Variants in CLSTN2 observed in about 807,000 individuals in gnomAD.
CLSTN2 encodes calsyntenin-2.
A neutral mutation model predicts 101.2 loss-of-function variants in CLSTN2; 48 were observed. The observed-to-expected ratio is 0.47, with a 90% CI of 0.38 to 0.60. The LOEUF (loss-of-function observed/expected upper bound fraction) is 0.60, where lower values mean the gene tolerates loss of function less well. CLSTN2 is among the 20% of genes least tolerant of loss of function. The probability of loss-of-function intolerance (pLI) is 0.00; values close to 1 mark genes in which losing one functional copy is unlikely to be tolerated. For synonymous variants in CLSTN2, 481 were observed against 463.6 expected (o/e 1.04, Z -0.48); for missense variants, 1,160 against 1,238.2 (o/e 0.94, Z 0.95).
chr3:140,396,275 A>G (rs4683492), intron 2 of CLSTN2, among the ~76,000 whole-genome samples: 62,507 of 151,984 alleles, frequency 0.41, 15,051 homozygotes, highest in South Asian at 0.6. Flanking sequence ...TGTCATTCAG[A>G]GAAAAAAATG....
chr3:140,495,375 T>C (rs1934443760), intron 8 of CLSTN2, among the ~76,000 whole-genome samples: 2 of 152,232 alleles, frequency 1.3e-5, no homozygotes, highest in Non-Finnish European at 2.9e-5. Context: ...CCTTGTCAGA[T>C]GGATAGATTG....
intron 7 of CLSTN2, among the ~76,000 whole-genome samples, chr3:140,465,797 C>A (rs754942754): frequency 3.3e-5 from 5 of 152,144 alleles, no homozygotes; most frequent in Non-Finnish European, 7.3e-5. Context: ...AATCCAGGGC[C>A]CATGCTCTTT....
chr3:139,981,843 T>C (rs1935929070), intron 1 of CLSTN2, among the ~76,000 whole-genome samples: 1 of 152,196 alleles, frequency 6.6e-6, no homozygotes, highest in African/African-American at 2.4e-5. Flanking sequence ...TGTAAGCAAA[T>C]GAAAAAGTGG....
intron 1 of CLSTN2, among the ~76,000 whole-genome samples, chr3:140,076,538 A>G (rs1353700355): frequency 6.9e-6 from 1 of 144,036 alleles, no homozygotes. Flanking sequence ...TGGCTGATGG[A>G]TGTCAATGCC....
intron 1 of CLSTN2, among the ~76,000 whole-genome samples, chr3:140,144,020 G>T (rs1179231352): frequency 6.6e-6 from 1 of 152,214 alleles, no homozygotes; most frequent in Non-Finnish European, 1.5e-5. Flanking sequence ...ATTAACAGAA[G>T]CCTTCAAGAT....
intron 1 of CLSTN2, among the ~76,000 whole-genome samples, chr3:140,095,214 C>G (rs1370347082): frequency 4.6e-5 from 7 of 152,140 alleles, no homozygotes; most frequent in Non-Finnish European, 7.4e-5. Context: ...GCGTTAATGG[C>G]AGTGAGAATA....
At chr3:140,124,696 T>C (rs993489761) in intron 1 of CLSTN2, among the ~76,000 whole-genome samples, 3 of 152,146 alleles carry the variant, frequency 2.0e-5, no homozygotes, top group Non-Finnish European at 4.4e-5. Flanking sequence ...GAGATGTCCA[T>C]GAGACAGCCA....
intron 1 of CLSTN2, among the ~76,000 whole-genome samples, chr3:140,037,120 A>G (rs576404291): frequency 1.3e-5 from 2 of 152,306 alleles, no homozygotes; most frequent in Admixed American, 6.5e-5. Flanking sequence ...TACATCAAGG[A>G]CACTTTTAAA....
chr3:140,206,569 CTCTTA>C (rs1403185818), intron 2 of CLSTN2, among the ~76,000 whole-genome samples: 2 of 152,226 alleles, frequency 1.3e-5, no homozygotes, highest in African/African-American at 2.4e-5. Context: ...AAACACTGGG[CTCTTA>C]TCTTCCAGAC....
At chr3:140,088,947 A>G (rs923116481) in intron 1 of CLSTN2, among the ~76,000 whole-genome samples, 1 of 152,346 alleles carries the variant, frequency 6.6e-6, no homozygotes, top group Admixed American at 6.5e-5. Flanking sequence ...AAAACTTTAT[A>G]CTTTGTTCCA....
Position 140,472,405 on chromosome 3 carries a change from C to T in CLSTN2, c.1344+5674C>T, listed in dbSNP as rs902017619. On this transcript the variant is annotated intron_variant, in intron 8 of 16. Coordinates refer to ENST00000458420, the MANE Select transcript of CLSTN2 (RefSeq NM_022131.3). ...GTCAGTTTACTTGCATCTGCTCATTCGGTTTCACAGGGAGTCAAATAGGTT... is the reference window on the plus strand; with the variant it reads ...GTCAGTTTACTTGCATCTGCTCATTTGGTTTCACAGGGAGTCAAATAGGTT... Among the ~76,000 whole-genome samples the T allele has an allele frequency of 3.9e-5, 6 of 152,130 alleles. No individual in the cohort carries two copies. The East Asian group carries it at 9.6e-4, about 24-fold the overall frequency.
At chr3:140,415,486 C>CAAAAAAAAAAAAAAAA (rs751616049) in intron 4 of CLSTN2, among the ~76,000 whole-genome samples, 64 of 56,866 alleles carry the variant, frequency 1.1e-3, no homozygotes, top group South Asian at 1.7e-3. Flanking sequence ...CACAAAATAG[C>CAAAAAAAAAAAAAAAA]AAAAAAAAAA....
chr3:139,978,538 T>C (rs928623709), intron 1 of CLSTN2, among the ~76,000 whole-genome samples: 4 of 152,214 alleles, frequency 2.6e-5, no homozygotes, highest in African/African-American at 9.7e-5. Context: ...ATGGCATCTC[T>C]GTGACTTAGC....
chr3:140,373,136 T>C (rs1250109824), intron 2 of CLSTN2, among the ~76,000 whole-genome samples: 1 of 152,242 alleles, frequency 6.6e-6, no homozygotes, highest in Non-Finnish European at 1.5e-5. Context: ...TTAAGAAACC[T>C]GTTTTTAACT....
At chr3:140,007,076 A>G (rs1278631669) in intron 1 of CLSTN2, among the ~76,000 whole-genome samples, 1 of 152,194 alleles carries the variant, frequency 6.6e-6, no homozygotes, top group East Asian at 1.9e-4. Context: ...GAGGGTGATG[A>G]ATAACTACAC....
At chr3:140,314,007 G>A (rs1400118346) in intron 2 of CLSTN2, among the ~76,000 whole-genome samples, 1 of 152,184 alleles carries the variant, frequency 6.6e-6, no homozygotes, top group Non-Finnish European at 1.5e-5. Flanking sequence ...AGTGGTTCAA[G>A]GAAATGATGT....
chr3:140,090,894 T>C (rs2008770126), intron 1 of CLSTN2, among the ~76,000 whole-genome samples: 1 of 151,962 alleles, frequency 6.6e-6, no homozygotes, highest in Non-Finnish European at 1.5e-5. Context: ...GGTAGGAAGT[T>C]AGAGGCCTTC....
In CLSTN2 at chr3:140,427,240, T is replaced by TATATATAC. The variant is rs1559866804; in HGVS notation, c.787+5971_787+5972insTACATATA. Among the ~76,000 whole-genome samples the TATATATAC allele has an allele frequency of 2.7e-3, 337 of 122,860 alleles. 1 individual carries two copies. The highest frequency in any genetic ancestry group is 4.0e-3 in the Non-Finnish European group (250 of 61,852). 80.6% of individuals were successfully genotyped at this position (122,860 alleles called of 152,430 possible). ...ATATATATATGTGTGTATATATATATATATACATATATATATACATAAATT... is the reference window on the plus strand; with the variant it reads ...ATATATATATGTGTGTATATATATATATATATACATATACATATATATATACATAAATT... On this transcript the variant is annotated intron_variant, in intron 5 of 16. Coordinates refer to ENST00000458420, the MANE Select transcript of CLSTN2 (RefSeq NM_022131.3).
At chr3:140,426,327 T>C (rs974545517) in intron 5 of CLSTN2, among the ~76,000 whole-genome samples, 2 of 152,178 alleles carry the variant, frequency 1.3e-5, no homozygotes, top group African/African-American at 4.8e-5. Context: ...CCTCCCTGTG[T>C]CCATGTGTTC....
Sources: gnomAD v4.1 joint callset for allele counts (sites outside exome capture counted in the v4.1 genomes callset) on GRCh38, gnomAD v4.1.1 for gene constraint, MANE v1.5 for transcripts, NCBI Gene and HGNC (gene_info 2026-07-23, HGNC 2026-07-21) for gene names.